The following RNF14 variants were observed in gnomAD, a reference collection of about 807,000 sequenced individuals.
RNF14 encodes the protein E3 ubiquitin-protein ligase RNF14.
In RNF14, 26 loss-of-function variants were observed where a neutral mutation model predicts 52.6. The ratio of observed to expected loss-of-function variants is 0.49; its 90% CI spans 0.36 to 0.69. The LOEUF (loss-of-function observed/expected upper bound fraction) is 0.69. Ranked by LOEUF, RNF14 falls within the 30% of genes least tolerant of loss-of-function variation. The probability of loss-of-function intolerance (pLI) is 0.00; values close to 1 mark genes in which losing one functional copy is unlikely to be tolerated. For missense variants in RNF14, 404 were observed against 560.4 expected (o/e 0.72, Z 2.82); for synonymous variants, 194 against 202.0 (o/e 0.96, Z 0.34).
rs760283765 is a variant in RNF14, at chr5:141,980,272, C to G, written c.984C>G (p.Ile328Met). ...VMQEPGCTMG[I>M]CSSCNFAFCT... ...AGGAACCTGGCTGCACCATGGGTATCTGCTCCAGCTGCAATTTTGCCTTCT... is the reference window on the plus strand; with the variant it reads ...AGGAACCTGGCTGCACCATGGGTATGTGCTCCAGCTGCAATTTTGCCTTCT... The change falls in exon 6 of 9, where the codon ATC becomes ATG. Residue 328 changes from isoleucine to methionine, a missense_variant. Transcript: ENST00000394520. The G allele has an allele frequency of 6.2e-7, 1 of 1,614,256 alleles. No individual in the cohort carries two copies. The highest frequency in any genetic ancestry group is 1.1e-5 in the South Asian group (1 of 91,088).
rs1223176586 is a variant in RNF14 at position 141,978,396 on chromosome 5, A to C, written c.400A>C (p.Thr134Pro). The C allele has an allele frequency of 6.2e-7, 1 of 1,613,978 alleles. No individual in the cohort carries two copies. The highest frequency in any genetic ancestry group is 8.5e-7 in the Non-Finnish European group (1 of 1,180,010). ...FAWMQFLKEE[T>P]LAYLNIVSPF... Reference sequence around the variant, plus strand: ...CTGGATGCAATTTCTTAAGGAAGAGACCCTAGCATACTTGAATATTGTCTC... The same window carrying C: ...CTGGATGCAATTTCTTAAGGAAGAGCCCCTAGCATACTTGAATATTGTCTC... The change falls in exon 5 of 9, where the codon ACC (threonine) becomes CCC (proline). Residue 134 changes from threonine (T) to proline (P), a missense_variant. Transcript: ENST00000394520.
Position 141,987,888 on chromosome 5 carries a change from C to G in RNF14, c.*98C>G, listed in dbSNP as rs1755386797. The G allele has an allele frequency of 5.5e-6, 6 of 1,100,912 alleles. No homozygotes were observed. Among genetic ancestry groups the G allele is most frequent in the East Asian group, 2.4e-5 (1 of 42,338 alleles). 68.2% of individuals were successfully genotyped at this position (1,100,912 alleles called of 1,614,324 possible). On this transcript the variant is annotated 3_prime_UTR_variant, in exon 9 of 9. Transcript: ENST00000394520. ...CGGGATATTTAGGGTACTATTCATT[C>G]ACTCTTCCTGCGTAGAAGATATGGA...
At chr5:141,955,776 C>T (rs749411158), upstream of RNF14, 2 of 1,613,860 alleles carry the variant, frequency 1.2e-6, no homozygotes, top group Non-Finnish European at 1.7e-6. This position sits in a 1 kb window ranked among gnomAD's most constrained non-coding sequence, Gnocchi z 5.5. Context: ...CAAACATGAC[C>T]CTCAACAGGG....
chr5:141,949,616 G>A, the RNF14 span: 22 of 1,603,496 alleles, frequency 1.4e-5, no homozygotes, highest in African/African-American at 2.6e-4. Flanking sequence ...CATGGGTAGG[G>A]ACATTCCCAT....
At chr5:141,965,941 A>G (rs544927274), upstream of RNF14, among the ~76,000 whole-genome samples, 2 of 151,758 alleles carry the variant, frequency 1.3e-5, no homozygotes, top group East Asian at 1.9e-4. Flanking sequence ...GTTTACCTAC[A>G]TAACAAACCT....
chr5:141,988,109 G>A lies in RNF14; in HGVS notation c.*319G>A, dbSNP rs572848806. 1 of 262,660 alleles carries A rather than the reference G, an allele frequency of 3.8e-6. No homozygotes were observed. The highest frequency in any genetic ancestry group is 8.2e-5 in the East Asian group (1 of 12,264). The allele number at this position is 262,660 out of a possible 1,614,324, so 16.3% of individuals were successfully genotyped here. On this transcript the variant is annotated 3_prime_UTR_variant, in exon 9 of 9. Coordinates refer to ENST00000394520, the MANE Select transcript of RNF14 (RefSeq NM_004290.5). Reference sequence around the variant, plus strand: ...TTCTTCCCCAAGCTTTAGGTAAGGAGAAGAGGGGTCAAGAGTTAAACTTAG... The same window carrying A: ...TTCTTCCCCAAGCTTTAGGTAAGGAAAAGAGGGGTCAAGAGTTAAACTTAG...
chr5:141,951,700 C>G, the RNF14 span: 1 of 811,400 alleles, frequency 1.2e-6, no homozygotes, highest in Non-Finnish European at 2.1e-6. Context: ...TTTCCTCTGG[C>G]TTCAGATGTT....
intron 2 of RNF14, among the ~76,000 whole-genome samples, chr5:141,971,636 CTTTT>C (rs58804572): frequency 2.6e-5 from 3 of 117,172 alleles, no homozygotes; most frequent in African/African-American, 1.2e-4. Context: ...TCTTTCTTTC[CTTTT>C]TTTTTTTTTT....
intron 4 of RNF14, among the ~76,000 whole-genome samples, chr5:141,977,217 TAGC>T (rs1301891354): frequency 2.3e-4 from 35 of 152,360 alleles, no homozygotes; most frequent in African/African-American, 7.7e-4. Flanking sequence ...TTACAGATGT[TAGC>T]AGATTTCTCA....
At chr5:141,961,116 CATGATAATTTTACTTGTGTTAACATT>C in intron 1 of RNF14, among the ~76,000 whole-genome samples, 3 of 152,144 alleles carry the variant, frequency 2.0e-5, no homozygotes, top group Non-Finnish European at 4.4e-5. Context: ...TTATGGAATT[CATGATAATTTTACTTGTGTTAACATT>C]TATATTCTTC....
Position 141,988,095 on chromosome 5 carries a change from G to C in RNF14, c.*305G>C, listed in dbSNP as rs1353854749. Reference sequence around the variant, plus strand: ...ATTAAATATTTATTTTCTTCCCCAAGCTTTAGGTAAGGAGAAGAGGGGTCA... The same window carrying C: ...ATTAAATATTTATTTTCTTCCCCAACCTTTAGGTAAGGAGAAGAGGGGTCA... On this transcript the variant is annotated 3_prime_UTR_variant, in exon 9 of 9. Transcript: ENST00000394520. The C allele has an allele frequency of 7.1e-6, 2 of 280,272 alleles. No individual in the cohort carries two copies. The highest frequency in any genetic ancestry group is 1.4e-5 in the Non-Finnish European group (2 of 146,314). 17.4% of individuals were successfully genotyped at this position (280,272 alleles called of 1,614,324 possible). A position where few individuals can be genotyped will look rare whatever the true frequency, so the allele number is the denominator to read the frequency against.
At chr5:141,975,924 CAAAAAA>C (rs5871799) in intron 4 of RNF14, among the ~76,000 whole-genome samples, 1 of 131,152 alleles carries the variant, frequency 7.6e-6, no homozygotes. Context: ...GACCCTGTCT[CAAAAAA>C]AAAAAAAAAA....
At chr5:141,961,644 C>T (rs992877810) in intron 1 of RNF14, among the ~76,000 whole-genome samples, 2 of 151,952 alleles carry the variant, frequency 1.3e-5, no homozygotes, top group Non-Finnish European at 2.9e-5. Flanking sequence ...TTTAAAAGGG[C>T]AGGATTAGGG....
At chr5:141,961,203 T>G (rs534161592) in intron 1 of RNF14, among the ~76,000 whole-genome samples, 1 of 152,084 alleles carries the variant, frequency 6.6e-6, no homozygotes, top group African/African-American at 2.4e-5. Context: ...ATATATCTGT[T>G]GGGTGTGTGT....
upstream of RNF14, among the ~76,000 whole-genome samples, chr5:141,953,669 A>G (rs555171767): frequency 6.6e-6 from 1 of 152,360 alleles, no homozygotes; most frequent in Admixed American, 6.5e-5. Flanking sequence ...AGCAGCCAGC[A>G]CAGTGTTCAG....
upstream of RNF14, chr5:141,955,454 T>C (rs768722035): frequency 1.2e-5 from 20 of 1,613,948 alleles, no homozygotes; most frequent in Non-Finnish European, 1.7e-5. This position sits in a 1 kb window ranked among gnomAD's most constrained non-coding sequence, Gnocchi z 5.5. Flanking sequence ...ATCGCCTCCT[T>C]GTCCACATCT....
At chr5:141,979,611 A>T (rs770473426) in intron 5 of RNF14, among the ~76,000 whole-genome samples, 1 of 152,176 alleles carries the variant, frequency 6.6e-6, no homozygotes, top group Non-Finnish European at 1.5e-5. Context: ...CATTTAAATC[A>T]TACAAGGCTA....
intron 2 of RNF14, among the ~76,000 whole-genome samples, chr5:141,972,234 A>AT (rs1226222985): frequency 4.3e-4 from 22 of 51,090 alleles, no homozygotes; most frequent in African/African-American, 1.0e-3. Flanking sequence ...CTATTTGGAG[A>AT]TATTTTTTTT....
intron 7 of RNF14, 47 bp from the exon 8 acceptor site, chr5:141,984,756 C>G (rs375617896): frequency 8.1e-6 from 13 of 1,600,826 alleles, no homozygotes; most frequent in African/African-American, 1.3e-5. Flanking sequence ...GCTGTCTCTT[C>G]TGCTTTTACA....
Sources: allele counts gnomAD v4.1 joint callset (sites outside exome capture counted in the v4.1 genomes callset), GRCh38; gene constraint gnomAD v4.1.1; non-coding constraint Gnocchi (gnomAD v3.1); transcripts MANE v1.5; gene names NCBI Gene and HGNC (gene_info 2026-07-23, HGNC 2026-07-21).